GCAT: variants seen among roughly 807,000 people sequenced by gnomAD.
GCAT encodes glycine C-acetyltransferase, also known as 2-amino-3-ketobutyrate coenzyme A ligase, mitochondrial.
Under a neutral mutation model 39.7 loss-of-function variants are expected in GCAT, and 26 were observed. The ratio of observed to expected loss-of-function variants is 0.65; its 90% CI spans 0.48 to 0.91. The LOEUF (loss-of-function observed/expected upper bound fraction) is 0.91, where lower values mean the gene tolerates loss of function less well. Ranked by LOEUF, GCAT falls within the 40% of genes least tolerant of loss-of-function variation. The pLI is 0.00. For synonymous variants in GCAT, 218 were observed against 237.2 expected, an observed-to-expected ratio of 0.92 and a Z score of 0.74; for missense variants, 550 against 576.2, an observed-to-expected ratio of 0.95 and a Z score of 0.47.
In GCAT at chr22:37,810,736, C is replaced by T. The variant is rs140244678; in HGVS notation, c.327+579C>T. 2.6e-4 allele frequency among the ~76,000 whole-genome samples: 39 copies of T among 152,128 alleles called. 2 individuals are homozygous for T. The East Asian group carries it at 6.8e-3, about 26-fold the overall frequency. On this transcript the variant is annotated intron_variant, in intron 2 of 8. Coordinates refer to ENST00000248924, the MANE Select transcript of GCAT (RefSeq NM_014291.4). ...TTCACTGTGTTAGCCAGGATGGTCTCGATCTCCTGACCTCGTGATCCACCC... is the reference window on the plus strand; with the variant it reads ...TTCACTGTGTTAGCCAGGATGGTCTTGATCTCCTGACCTCGTGATCCACCC...
In GCAT at chr22:37,816,703, C is replaced by T. The variant is rs145292389; in HGVS notation, c.1245C>T (p.His415=). The part of the protein sequence containing the change: ...VEAFVEVGRL[H]GALP ...CCTTCGTGGAAGTGGGGCGACTGCA[C>T]GGGGCACTGCCCTGAGCTCTGGGTA... The change falls in exon 9 of 9, where the codon CAC becomes CAT. Residue 415 remains histidine (H), a synonymous_variant. Transcript: ENST00000248924. 1.4e-5 allele frequency: 23 copies of T among 1,613,834 alleles called. No individual in the cohort carries two copies. Among genetic ancestry groups the T allele is most frequent in the Middle Eastern group, 1.6e-4 (1 of 6,084 alleles).
At chr22:37,811,042 G>A (rs970560528) in intron 2 of GCAT, among the ~76,000 whole-genome samples, 1 of 152,184 alleles carries the variant, frequency 6.6e-6, no homozygotes, top group Non-Finnish European at 1.5e-5. Context: ...CTGTTCTGAC[G>A]GGAGCACAGT....
chr22:37,814,100 G>A (rs186497025), intron 4 of GCAT, among the ~76,000 whole-genome samples: 11 of 152,108 alleles, frequency 7.2e-5, no homozygotes, highest in Non-Finnish European at 1.3e-4. Context: ...ATGGTGCCTT[G>A]AGGTTTTTCC....
chr22:37,815,016 CTG>C (rs1199483882), intron 4 of GCAT, 108 bp from the exon 5 acceptor site: 24 of 1,059,944 alleles, frequency 2.3e-5, no homozygotes, highest in Admixed American at 2.3e-4. Flanking sequence ...GTGCCCACCT[CTG>C]TGCTGGGCAC....
At position 37,816,225 on chromosome 22, in the gene GCAT, G is replaced by A. The variant is rs561291020; in HGVS notation, c.1012G>A (p.Gly338Ser). 1.2e-6 allele frequency: 2 copies of A among 1,613,586 alleles called. No individual in the cohort carries two copies. Among genetic ancestry groups the A allele is most frequent in the East Asian group, 4.5e-5 (2 of 44,890 alleles). ...QRFRSKMEAA[G>S]FTISGASHPI... ...GTTCCGTAGTAAGATGGAAGCTGCT[G>A]GCTTCACTATCTCGGGAGCCAGTCA... The change falls in exon 8 of 9, where the codon GGC becomes AGC. Residue 338 changes from glycine to serine, a missense_variant. Gly to Ser is a moderately conservative substitution (Grantham distance 56). Around this residue, in one of 3 missense-constraint regions of GCAT, gnomAD observed 378 missense variants for 390.4 expected, o/e 0.97. Transcript: ENST00000248924.
chr22:37,816,479 A>G, intron 8 of GCAT, 88 bp from the exon 9 acceptor site: 1 of 1,556,304 alleles, frequency 6.4e-7, no homozygotes, highest in Non-Finnish European at 8.8e-7. Flanking sequence ...GCAGTCCCGA[A>G]TCTGAGACCT....
chr22:37,812,834 T>G, intron 2 of GCAT, 53 bp from the exon 3 acceptor site: 1 of 1,257,030 alleles, frequency 8.0e-7, no homozygotes, highest in Admixed American at 1.7e-5. Flanking sequence ...CCCCTCGAAC[T>G]TGTCCCACAT....
chr22:37,813,650 G>A (rs2145926690), intron 4 of GCAT, 41 bp downstream of exon 4: 1 of 1,549,900 alleles, frequency 6.5e-7, no homozygotes, highest in South Asian at 1.2e-5. Context: ...TCCGCCTGGG[G>A]AAGGAAGTGA....
chr22:37,815,068 G>C (rs183989724), intron 4 of GCAT, 58 bp from the exon 5 acceptor site: 1 of 1,572,532 alleles, frequency 6.4e-7, no homozygotes, highest in African/African-American at 1.3e-5. Flanking sequence ...CAGCACAAGA[G>C]ACGGGTGGTT....
At chr22:37,814,204 G>T (rs1197604464) in intron 4 of GCAT, among the ~76,000 whole-genome samples, 3 of 152,072 alleles carry the variant, frequency 2.0e-5, no homozygotes, top group Non-Finnish European at 4.4e-5. Context: ...GGACTCGAGC[G>T]ATCCTCCCAC....
intron 2 of GCAT, 78 bp from the exon 3 acceptor site, chr22:37,812,809 C>T: frequency 1.0e-6 from 1 of 973,514 alleles, no homozygotes; most frequent in Non-Finnish European, 1.6e-6. Flanking sequence ...TCTCTGTGGT[C>T]CTCCAAGCCT....
In GCAT at chr22:37,816,257, C is replaced by T. The variant is rs762931479; in HGVS notation, c.1044C>T (p.Ile348=). The T allele has an allele frequency of 4.3e-6, 7 of 1,613,346 alleles. 1 individual carries two copies. The highest frequency in any genetic ancestry group is 1.7e-5 in the Admixed American group (1 of 59,998). The part of the protein sequence containing the change: ...GFTISGASHP[I]CPVMLGDARL... Reference sequence around the variant, plus strand: ...CTATCTCGGGAGCCAGTCACCCCATCTGCCCTGTGATGCTGGGTGATGCCC... The same window carrying T: ...CTATCTCGGGAGCCAGTCACCCCATTTGCCCTGTGATGCTGGGTGATGCCC... Residue 348 remains isoleucine (I), a synonymous_variant, in exon 8 of 9, where the codon ATC becomes ATT. Transcript: ENST00000248924.
At chr22:37,813,041 G>A in intron 3 of GCAT, 53 bp downstream of exon 3, 2 of 1,268,706 alleles carry the variant, frequency 1.6e-6, no homozygotes, top group Non-Finnish European at 1.2e-6. Flanking sequence ...TTAGGCTGAG[G>A]AAGGCTTGGG....
intron 2 of GCAT, among the ~76,000 whole-genome samples, chr22:37,811,874 T>C (rs1317060515): frequency 2.6e-5 from 1 of 38,854 alleles, no homozygotes; most frequent in Admixed American, 2.2e-4. Context: ...AAACTCTGTC[T>C]CAAAAAAAAA....
chr22:37,807,973 G>T lies in GCAT; in HGVS notation c.6G>T (p.Trp2Cys). ...GCTCGGGCGAGGTAGGAGCGATGTGGCCTGGGAACGCCTGGCGCGCCGCAC... is the reference window on the plus strand; with the variant it reads ...GCTCGGGCGAGGTAGGAGCGATGTGTCCTGGGAACGCCTGGCGCGCCGCAC... Reference protein sequence around the residue: MWPGNAWRAALF... With the variant: MCPGNAWRAALF... Residue 2 changes from tryptophan (W) to cysteine (C), a missense_variant, in exon 1 of 9, where the codon TGG becomes TGT. Around this residue, in one of 3 missense-constraint regions of GCAT, gnomAD observed 154 missense variants for 141.9 expected, o/e 1.08. Coordinates refer to ENST00000248924, the MANE Select transcript of GCAT (RefSeq NM_014291.4). The T allele has an allele frequency of 1.3e-6, 2 of 1,532,698 alleles. No homozygotes were observed. The highest frequency in any genetic ancestry group is 1.7e-6 in the Non-Finnish European group (2 of 1,142,932). 94.9% of individuals were successfully genotyped at this position (1,532,698 alleles called of 1,614,324 possible).
In GCAT at chr22:37,815,433, G is replaced by T. The variant is rs145211767; in HGVS notation, c.747G>T (p.Leu249=). The T allele has an allele frequency of 6.2e-7, 1 of 1,610,718 alleles. No homozygotes were observed. ...LGPTGRGTDE[L]LGVMDQVTII... ...TCCCTTGCAGGGGCACAGATGAGCT[G>T]CTGGGTGTGATGGACCAGGTCACCA... The change falls in exon 6 of 9, where the codon CTG becomes CTT. Residue 249 remains leucine (L), a synonymous_variant. Transcript: ENST00000248924.
chr22:37,808,013 C>G lies in GCAT; in HGVS notation c.46C>G (p.Arg16Gly). Residue 16 changes from arginine to glycine, a missense_variant, in exon 1 of 9, where the codon CGC (arginine) becomes GGC (glycine). Physicochemically the swap from Arg to Gly is moderately radical, Grantham distance 125. Coordinates refer to ENST00000248924, the MANE Select transcript of GCAT (RefSeq NM_014291.4). ...GCGCGCCGCACTCTTCTGGGTGCCCCGCGGCCGCCGCGCACAGTCAGCGCT... is the reference window on the plus strand; with the variant it reads ...GCGCGCCGCACTCTTCTGGGTGCCCGGCGGCCGCCGCGCACAGTCAGCGCT... ...AWRAALFWVPRGRRAQSALAQ... is the reference protein window; with the variant it reads ...AWRAALFWVPGGRRAQSALAQ... 1.3e-6 allele frequency: 2 copies of G among 1,544,984 alleles called. No individual in the cohort carries two copies.
chr22:37,810,224 G>C, intron 2 of GCAT, 67 bp downstream of exon 2: 1 of 1,224,512 alleles, frequency 8.2e-7, no homozygotes, highest in Non-Finnish European at 1.2e-6. Context: ...AGTCAGCAAG[G>C]CTGGTTTAGC....
chr22:37,814,398 G>A (rs553319353), intron 4 of GCAT, among the ~76,000 whole-genome samples: 18 of 152,194 alleles, frequency 1.2e-4, no homozygotes, highest in African/African-American at 4.1e-4. Context: ...GGAGTAGCTG[G>A]GATTACAGGC....
Sources: allele counts gnomAD v4.1 joint callset (sites outside exome capture counted in the v4.1 genomes callset), GRCh38; gene constraint gnomAD v4.1.1; regional missense constraint gnomAD v4.1.1; transcripts MANE v1.5; gene names NCBI Gene and HGNC (gene_info 2026-07-23, HGNC 2026-07-21).